UTRN: variants seen among roughly 807,000 people sequenced by gnomAD.
UTRN encodes the protein dystrophin-related protein 1.
UTRN carries 283 observed loss-of-function variants against 463.9 expected under a neutral mutation model. The observed-to-expected ratio is 0.61, with a 90% confidence interval of 0.55 to 0.67. The LOEUF (loss-of-function observed/expected upper bound fraction) is 0.67, where lower values mean the gene tolerates loss of function less well. UTRN is among the 30% of genes least tolerant of loss of function. The probability of loss-of-function intolerance (pLI) is 0.00; values close to 1 mark genes in which losing one functional copy is unlikely to be tolerated. For missense variants in UTRN, 3,922 were observed against 4,084.3 expected (o/e 0.96, Z 1.08); for synonymous variants, 1,442 against 1,431.5 (o/e 1.01, Z -0.17).
chr6:144,516,272 C>T lies in UTRN; in HGVS notation c.5288C>T (p.Thr1763Ile). 6.2e-7 allele frequency: 1 copy of T among 1,613,798 alleles called. No individual in the cohort carries two copies. Among genetic ancestry groups the T allele is most frequent in the Non-Finnish European group, 8.5e-7 (1 of 1,179,888 alleles). ...CCATTATACCAATGTTTGGTCACCA[C>T]TGAAACATTTGAAACTGGTGTGCCT... is the stretch of plus-strand genomic sequence containing the variant. ...QEPLYQCLVT[T>I]ETFETGVPFS... The change falls in exon 38 of 75, where the codon ACT becomes ATT. Residue 1763 changes from threonine (T) to isoleucine (I), a missense_variant. Coordinates refer to ENST00000367545, the MANE Select transcript of UTRN (RefSeq NM_007124.3).
chr6:144,678,375 T>C, intron 51 of UTRN, 31 bp from the exon 52 acceptor site: 1 of 1,598,708 alleles, frequency 6.3e-7, no homozygotes, highest in Non-Finnish European at 8.5e-7. Context: ...TTCCTAACAC[T>C]TGCATTATCT....
In UTRN at chr6:144,768,958, G is replaced by GT. The variant is rs1158164345; in HGVS notation, c.8496-2936dup. On this transcript the variant is annotated intron_variant, in intron 58 of 74. Coordinates refer to ENST00000367545, the MANE Select transcript of UTRN (RefSeq NM_007124.3). ...GCTACTTTGTTTTTTGTTTTGTTTTGTTTTTTTTTTTTTAATTTTATTCTT... is the reference window on the plus strand; with the variant it reads ...GCTACTTTGTTTTTTGTTTTGTTTTGTTTTTTTTTTTTTTAATTTTATTCTT... 9.3e-3 allele frequency among the ~76,000 whole-genome samples: 1,042 copies of GT among 112,486 alleles called. 29 individuals carry two copies. Among genetic ancestry groups the GT allele is most frequent in the African/African-American group, 0.025 (772 of 30,544 alleles). The allele number at this position is 112,486 out of a possible 152,430, so 73.8% of individuals were successfully genotyped here. A position where few individuals can be genotyped will look rare whatever the true frequency, so the allele number is the denominator to read the frequency against.
Position 144,732,241 on chromosome 6 carries a change from T to TATATATATATATATAC in UTRN, c.7939+1770_7939+1771insCATATATATATATATA, listed in dbSNP as rs1329621401. Among the ~76,000 whole-genome samples the TATATATATATATATAC allele has an allele frequency of 1.5e-3, 36 of 23,906 alleles. No individual in the cohort carries two copies. In the East Asian group the frequency reaches 0.041, roughly 27 times the overall value. 15.7% of individuals were successfully genotyped at this position (23,906 alleles called of 152,430 possible). The stretch of plus-strand genomic sequence containing the variant: ...ATATATATATATATATATATATACA[T>TATATATATATATATAC]ATATATATATATATATACACACATA... On this transcript the variant is annotated intron_variant, in intron 54 of 74. Coordinates refer to ENST00000367545, the MANE Select transcript of UTRN (RefSeq NM_007124.3).
At chr6:144,387,836 C>A (rs1467586752) in intron 2 of UTRN, among the ~76,000 whole-genome samples, 1 of 152,166 alleles carries the variant, frequency 6.6e-6, no homozygotes, top group African/African-American at 2.4e-5. Flanking sequence ...CTCCCTTCCT[C>A]CTAGATCCTT....
At chr6:144,493,491 CTCTCTCTCTCTCTCTCTCAA>C in intron 33 of UTRN, 35 bp downstream of exon 33, 2 of 931,586 alleles carry the variant, frequency 2.1e-6, no homozygotes, top group African/African-American at 2.1e-5. Context: ...ATCTCTCTGT[CTCTCTCTCTCTCTCTCTCAA>C]TCTCTCTCTC....
At chr6:144,769,011 TAA>T (rs1051137317) in intron 58 of UTRN, among the ~76,000 whole-genome samples, 8 of 151,472 alleles carry the variant, frequency 5.3e-5, no homozygotes, top group Non-Finnish European at 1.0e-4. Context: ...TGTTGCCTTT[TAA>T]AGAGAGGATT....
chr6:144,716,727 A>G (rs947952925), intron 53 of UTRN, among the ~76,000 whole-genome samples: 1 of 152,030 alleles, frequency 6.6e-6, no homozygotes, highest in Non-Finnish European at 1.5e-5. Context: ...CTTTTTGCAT[A>G]TTTACCTTTT....
intron 54 of UTRN, among the ~76,000 whole-genome samples, chr6:144,736,008 A>G (rs1355702920): frequency 6.6e-6 from 1 of 152,188 alleles, no homozygotes; most frequent in Non-Finnish European, 1.5e-5. Flanking sequence ...TTGGGGGGAC[A>G]AGAAAAAAAG....
At chr6:144,427,643 T>C (rs1336855839) in intron 7 of UTRN, among the ~76,000 whole-genome samples, 2 of 152,198 alleles carry the variant, frequency 1.3e-5, no homozygotes, top group African/African-American at 2.4e-5. Context: ...AGAATGATAG[T>C]TTTTGTAGCT....
chr6:144,425,495 A>G (rs1366939359), intron 6 of UTRN, among the ~76,000 whole-genome samples: 1 of 152,096 alleles, frequency 6.6e-6, no homozygotes, highest in African/African-American at 2.4e-5. Flanking sequence ...TTTTGCCTGG[A>G]CCAGCTATTA....
chr6:144,491,867 C>T (rs1262951462), intron 32 of UTRN, among the ~76,000 whole-genome samples: 2 of 152,096 alleles, frequency 1.3e-5, no homozygotes, highest in East Asian at 1.9e-4. Flanking sequence ...TACATGACAG[C>T]GTCCTATGAG....
chr6:144,732,259 C>CAT (rs1472448349), intron 54 of UTRN, among the ~76,000 whole-genome samples: 1 of 94,712 alleles, frequency 1.1e-5, no homozygotes, highest in East Asian at 4.3e-4. Context: ...TATATATATA[C>CAT]ACACATATAT....
intron 51 of UTRN, among the ~76,000 whole-genome samples, chr6:144,603,963 T>C (rs1366250561): frequency 6.6e-6 from 1 of 152,024 alleles, no homozygotes; most frequent in Non-Finnish European, 1.5e-5. Context: ...ATTATAGGGG[T>C]GTGTTTGAAA....
chr6:144,473,840 T>G lies in UTRN; in HGVS notation c.3180+7T>G. On this transcript the variant is annotated splice_region_variant and intron_variant, in intron 24 of 74. Coordinates refer to ENST00000367545, the MANE Select transcript of UTRN (RefSeq NM_007124.3). The stretch of plus-strand genomic sequence containing the variant: ...GCAGTTAGACCAGTGCTCTGTGAGT[T>G]CTGCTGATCTGGGGAACTTGTCATA... The G allele has an allele frequency of 6.3e-7, 1 of 1,591,328 alleles. No individual in the cohort carries two copies. The highest frequency in any genetic ancestry group is 8.6e-7 in the Non-Finnish European group (1 of 1,161,798).
chr6:144,683,787 A>G (rs531025312), intron 52 of UTRN, among the ~76,000 whole-genome samples: 3 of 152,210 alleles, frequency 2.0e-5, no homozygotes, highest in Non-Finnish European at 4.4e-5. Flanking sequence ...ATGGACACCA[A>G]ACGGCCTGAA....
intron 34 of UTRN, among the ~76,000 whole-genome samples, chr6:144,508,274 C>A (rs983732092): frequency 6.6e-6 from 1 of 152,114 alleles, no homozygotes; most frequent in Admixed American, 6.5e-5. Flanking sequence ...GTTCCAGGCA[C>A]CACTGGGGTG....
Position 144,510,994 on chromosome 6 carries a change from A to C in UTRN, c.4815A>C (p.Thr1605=). Residue 1605 remains threonine (T), a synonymous_variant, in exon 35 of 75, where the codon ACA becomes ACC. Transcript: ENST00000367545. The part of the protein sequence containing the change: ...EKRKADLNTI[T]ESSAALQNLI... The stretch of plus-strand genomic sequence containing the variant: ...GAAAAGCTGATTTAAATACCATCAC[A>C]GAGAGTAGTGCTGCCCTGCAAAACT... 1 of 1,611,302 alleles carries C rather than the reference A, an allele frequency of 6.2e-7. No homozygotes were observed. Among genetic ancestry groups the C allele is most frequent in the Non-Finnish European group, 8.5e-7 (1 of 1,178,248 alleles).
intron 51 of UTRN, among the ~76,000 whole-genome samples, chr6:144,628,218 A>G (rs117554957): frequency 0.011 from 1,678 of 152,314 alleles, 17 homozygotes; most frequent in Middle Eastern, 0.027. Context: ...TGCTATGAAC[A>G]TTGGTGTACA....
At chr6:144,419,699 T>G (rs1301043636) in intron 3 of UTRN, among the ~76,000 whole-genome samples, 1 of 152,156 alleles carries the variant, frequency 6.6e-6, no homozygotes, top group Non-Finnish European at 1.5e-5. Flanking sequence ...AAAAACTAAA[T>G]AAAGTCTAGT....
Sources: gnomAD v4.1 joint callset for allele counts (sites outside exome capture counted in the v4.1 genomes callset) on GRCh38, gnomAD v4.1.1 for gene constraint, MANE v1.5 for transcripts, NCBI Gene and HGNC (gene_info 2026-07-23, HGNC 2026-07-21) for gene names.